The following FSTL5 variants were observed in gnomAD, a reference collection of about 807,000 sequenced individuals.
The protein encoded by FSTL5 is follistatin-related protein 5.
In FSTL5, 62 loss-of-function variants were observed where a neutral mutation model predicts 89.1. The observed-to-expected ratio is 0.70, with a 90% CI of 0.57 to 0.86. The LOEUF (loss-of-function observed/expected upper bound fraction) is 0.86, where lower values mean the gene tolerates loss of function less well. Among genes scored for constraint, FSTL5 ranks in the 40% least tolerant of loss-of-function variants. The pLI is 0.00. For missense variants in FSTL5, 1,057 were observed against 1,001.6 expected, an observed-to-expected ratio of 1.06 and a Z score of -0.75; for synonymous variants, 383 against 346.2, an observed-to-expected ratio of 1.11 and a Z score of -1.18.
At chr4:161,569,750 A>AACACACAAAC (rs773268658) in intron 8 of FSTL5, among the ~76,000 whole-genome samples, 2 of 103,274 alleles carry the variant, frequency 1.9e-5, no homozygotes, top group African/African-American at 3.4e-5. Flanking sequence ...CTTTAAGTCC[A>AACACACAAAC]ACACACAAAC....
At chr4:162,123,435 T>G (rs1453148541) in intron 1 of FSTL5, among the ~76,000 whole-genome samples, 3 of 152,142 alleles carry the variant, frequency 2.0e-5, no homozygotes, top group Non-Finnish European at 4.4e-5. Flanking sequence ...CATCCTGGTG[T>G]GCAGGGGAAA....
chr4:161,900,655 A>AAAG (rs1733331041), intron 4 of FSTL5, among the ~76,000 whole-genome samples: 1 of 110,972 alleles, frequency 9.0e-6, no homozygotes, highest in Non-Finnish European at 1.8e-5. Context: ...AAAAAAAAAA[A>AAAG]AAAGAAAGAA....
chr4:161,893,873 T>C (rs1376006512), intron 4 of FSTL5, among the ~76,000 whole-genome samples: 3 of 152,152 alleles, frequency 2.0e-5, no homozygotes, highest in Admixed American at 2.0e-4. Flanking sequence ...AGATTCAATA[T>C]CCTGGTGCCT....
chr4:161,411,055 A>G (rs1397111444), intron 15 of FSTL5, among the ~76,000 whole-genome samples: 1 of 152,182 alleles, frequency 6.6e-6, no homozygotes, highest in Non-Finnish European at 1.5e-5. Context: ...CTCAGAGACT[A>G]CTATGAACAA....
At chr4:161,590,262 G>A (rs905033144) in intron 7 of FSTL5, among the ~76,000 whole-genome samples, 1 of 152,184 alleles carries the variant, frequency 6.6e-6, no homozygotes, top group Admixed American at 6.5e-5. Flanking sequence ...CAAATAGGCT[G>A]GGCATGGTAG....
intron 15 of FSTL5, among the ~76,000 whole-genome samples, chr4:161,397,371 G>A (rs899471051): frequency 2.0e-4 from 30 of 151,840 alleles, no homozygotes; most frequent in Non-Finnish European, 2.9e-4. Flanking sequence ...AAAGGTTTTA[G>A]AAGCAAACAT....
intron 4 of FSTL5, among the ~76,000 whole-genome samples, chr4:161,800,650 C>T (rs1729762332): frequency 6.6e-6 from 1 of 151,508 alleles, no homozygotes; most frequent in South Asian, 2.1e-4. Context: ...TAAATTACCC[C>T]TTCTAAGTGA....
chr4:161,702,493 G>A (rs1738430019), intron 6 of FSTL5, among the ~76,000 whole-genome samples: 1 of 152,074 alleles, frequency 6.6e-6, no homozygotes, highest in Non-Finnish European at 1.5e-5. Context: ...AAAAGGGGGT[G>A]CCATACCAGG....
At chr4:161,595,841 A>G (rs1488628493) in intron 7 of FSTL5, among the ~76,000 whole-genome samples, 4 of 151,950 alleles carry the variant, frequency 2.6e-5, no homozygotes, top group African/African-American at 9.7e-5. Context: ...ATGTTAGCCC[A>G]CTTTCTTTTT....
chr4:162,059,885 T>C (rs932349290), intron 2 of FSTL5, among the ~76,000 whole-genome samples: 1 of 152,086 alleles, frequency 6.6e-6, no homozygotes, highest in Non-Finnish European at 1.5e-5. Context: ...GTCACAGGTC[T>C]GGAAAAAATC....
At chr4:161,875,841 A>G (rs1732425473) in intron 4 of FSTL5, among the ~76,000 whole-genome samples, 1 of 152,058 alleles carries the variant, frequency 6.6e-6, no homozygotes, top group South Asian at 2.1e-4. Context: ...AATTCTCACT[A>G]TTACTTTGTT....
At chr4:161,923,695 C>G (rs1489274498) in intron 3 of FSTL5, among the ~76,000 whole-genome samples, 1 of 151,066 alleles carries the variant, frequency 6.6e-6, no homozygotes, top group Admixed American at 6.6e-5. Context: ...GTGAAATTTT[C>G]CAATTTTTAG....
chr4:161,630,916 T>C (rs897711301), intron 7 of FSTL5, among the ~76,000 whole-genome samples: 3 of 152,228 alleles, frequency 2.0e-5, no homozygotes, highest in African/African-American at 7.2e-5. Context: ...TCTTATAACT[T>C]TTAACTGTTT....
intron 6 of FSTL5, among the ~76,000 whole-genome samples, chr4:161,719,659 C>T (rs1230537770): frequency 1.3e-5 from 2 of 152,052 alleles, no homozygotes; most frequent in African/African-American, 2.4e-5. Context: ...TCTCTTTCAT[C>T]AGTATTTTAT....
intron 2 of FSTL5, among the ~76,000 whole-genome samples, chr4:162,071,618 C>G (rs1417444834): frequency 6.6e-6 from 1 of 151,724 alleles, no homozygotes; most frequent in Admixed American, 6.6e-5. Context: ...AAACCTTGAA[C>G]TTAACTGTAC....
At chr4:161,824,168 C>CT (rs533892192) in intron 4 of FSTL5, among the ~76,000 whole-genome samples, 191 of 152,256 alleles carry the variant, frequency 1.3e-3, no homozygotes, top group Non-Finnish European at 2.1e-3. Flanking sequence ...GTTCTGGATC[C>CT]ATCTTGAGTT....
intron 4 of FSTL5, among the ~76,000 whole-genome samples, chr4:161,859,641 C>T (rs1731836556): frequency 6.6e-6 from 1 of 152,100 alleles, no homozygotes; most frequent in Non-Finnish European, 1.5e-5. Context: ...GTATTAACTG[C>T]TGGAAAAAAA....
chr4:161,598,006 G>T (rs924664637), intron 7 of FSTL5, among the ~76,000 whole-genome samples: 3 of 152,154 alleles, frequency 2.0e-5, no homozygotes, highest in Admixed American at 1.3e-4. Context: ...AACATGAATA[G>T]AACTCAATAT....
intron 1 of FSTL5, among the ~76,000 whole-genome samples, chr4:162,162,178 A>G (rs1733721704): frequency 6.6e-6 from 1 of 152,072 alleles, no homozygotes; most frequent in Non-Finnish European, 1.5e-5. Flanking sequence ...ACAATGAAAA[A>G]TCTCTACCTA....
Sources: allele counts gnomAD v4.1 joint callset (sites outside exome capture counted in the v4.1 genomes callset), GRCh38; gene constraint gnomAD v4.1.1; transcripts MANE v1.5; gene names NCBI Gene and HGNC (gene_info 2026-07-23, HGNC 2026-07-21).